Variants in GALNT13 observed in about 807,000 individuals in gnomAD.
GALNT13 encodes UDP-GalNAc:polypeptide N-acetylgalactosaminyltransferase 13.
Under a neutral mutation model 64.2 loss-of-function variants are expected in GALNT13, and 28 were observed. The observed-to-expected ratio is 0.44, with a 90% CI of 0.32 to 0.60. The LOEUF (loss-of-function observed/expected upper bound fraction) is 0.60. GALNT13 is among the 20% of genes least tolerant of loss of function. The pLI is 0.05. For missense variants in GALNT13, 577 were observed against 669.8 expected, an observed-to-expected ratio of 0.86 and a Z score of 1.53; for synonymous variants, 214 against 224.6, an observed-to-expected ratio of 0.95 and a Z score of 0.42.
At chr2:153,142,057 G>C in the GALNT13 span, among the ~76,000 whole-genome samples, 1 of 152,056 alleles carries the variant, frequency 6.6e-6, no homozygotes. Context: ...TTTTTGCTAT[G>C]ATGGGAAAAA....
At chr2:153,927,655 G>T (rs184513425) in intron 2 of GALNT13, among the ~76,000 whole-genome samples, 2 of 152,004 alleles carry the variant, frequency 1.3e-5, no homozygotes, top group South Asian at 2.1e-4. Context: ...TAATTGGAGA[G>T]TATTCAATAT....
At chr2:153,553,158 G>A in the GALNT13 span, among the ~76,000 whole-genome samples, 1 of 152,288 alleles carries the variant, frequency 6.6e-6, no homozygotes. Flanking sequence ...ACTAAGATAT[G>A]GAGTGGATAT....
chr2:154,113,463 C>G (rs928847399), intron 3 of GALNT13, among the ~76,000 whole-genome samples: 1 of 152,346 alleles, frequency 6.6e-6, no homozygotes, highest in Non-Finnish European at 1.5e-5. Flanking sequence ...CAAATAGACC[C>G]ACTGGGCGTT....
At chr2:153,599,443 T>C in the GALNT13 span, among the ~76,000 whole-genome samples, 4 of 152,056 alleles carry the variant, frequency 2.6e-5, no homozygotes, top group Non-Finnish European at 5.9e-5. Flanking sequence ...TGTATCTTCC[T>C]GAGATCCATG....
chr2:153,443,537 C>G, the GALNT13 span, among the ~76,000 whole-genome samples: 1 of 152,246 alleles, frequency 6.6e-6, no homozygotes, highest in Non-Finnish European at 1.5e-5. Context: ...ATCCATTCAT[C>G]TTTAAGACTT....
chr2:153,737,835 G>A, the GALNT13 span, among the ~76,000 whole-genome samples: 1 of 151,888 alleles, frequency 6.6e-6, no homozygotes, highest in Non-Finnish European at 1.5e-5. Context: ...TCCAATTGCT[G>A]TAAAGTTCCT....
chr2:153,266,580 G>GAC, the GALNT13 span, among the ~76,000 whole-genome samples: 1 of 151,716 alleles, frequency 6.6e-6, no homozygotes, highest in East Asian at 1.9e-4. Flanking sequence ...GCAGGAGAGA[G>GAC]AGAGAGCTCG....
At chr2:153,074,432 A>T in the GALNT13 span, among the ~76,000 whole-genome samples, 1 of 152,186 alleles carries the variant, frequency 6.6e-6, no homozygotes, top group African/African-American at 2.4e-5. Context: ...CAATGGGGAT[A>T]TGTCCTGAGA....
chr2:153,884,574 A>T (rs1158270051), intron 1 of GALNT13, among the ~76,000 whole-genome samples: 4 of 151,576 alleles, frequency 2.6e-5, no homozygotes, highest in Admixed American at 2.6e-4. Context: ...TTTAGTCCTG[A>T]TAAAGCCATT....
At chr2:153,223,209 G>A in the GALNT13 span, among the ~76,000 whole-genome samples, 3 of 152,242 alleles carry the variant, frequency 2.0e-5, no homozygotes, top group Non-Finnish European at 1.5e-5. Flanking sequence ...GGAGAAACAG[G>A]CAGACATATC....
At chr2:153,138,805 G>C in the GALNT13 span, among the ~76,000 whole-genome samples, 1 of 152,080 alleles carries the variant, frequency 6.6e-6, no homozygotes, top group Non-Finnish European at 1.5e-5. Context: ...CTACTGGCAA[G>C]TGGTTCTGCT....
chr2:153,307,972 T>C, the GALNT13 span, among the ~76,000 whole-genome samples: 4 of 152,056 alleles, frequency 2.6e-5, no homozygotes, highest in Non-Finnish European at 4.4e-5. Context: ...TTTACAGATA[T>C]GAACAAGAAA....
chr2:154,216,560 T>G (rs1306302476), intron 4 of GALNT13, among the ~76,000 whole-genome samples: 1 of 152,110 alleles, frequency 6.6e-6, no homozygotes, highest in African/African-American at 2.4e-5. Flanking sequence ...GCTTCAGATA[T>G]TGCCCATCTT....
the GALNT13 span, among the ~76,000 whole-genome samples, chr2:153,670,340 T>C: frequency 6.6e-6 from 1 of 152,108 alleles, no homozygotes; most frequent in Non-Finnish European, 1.5e-5. Context: ...GGACGAAGAT[T>C]CCAGAGGAAG....
the GALNT13 span, among the ~76,000 whole-genome samples, chr2:153,408,908 A>G: frequency 6.6e-6 from 1 of 152,078 alleles, no homozygotes; most frequent in Non-Finnish European, 1.5e-5. Flanking sequence ...ATCTGGGTGG[A>G]CACCATCCCC....
chr2:154,228,494 G>A (rs994541168), intron 4 of GALNT13, among the ~76,000 whole-genome samples: 1 of 152,074 alleles, frequency 6.6e-6, no homozygotes, highest in African/African-American at 2.4e-5. Context: ...TTCTGAAATC[G>A]TCCCCTGGAT....
chr2:153,254,912 G>T, the GALNT13 span, among the ~76,000 whole-genome samples: 1 of 152,084 alleles, frequency 6.6e-6, no homozygotes, highest in African/African-American at 2.4e-5. Flanking sequence ...TTTGGAATAG[G>T]TGTGGTGTGG....
At chr2:153,799,985 G>A in the GALNT13 span, among the ~76,000 whole-genome samples, 2 of 150,512 alleles carry the variant, frequency 1.3e-5, no homozygotes, top group South Asian at 4.2e-4. Flanking sequence ...GACTGGCATG[G>A]TCATCAGCTA....
At chr2:154,205,596 G>A (rs1411082069) in intron 4 of GALNT13, among the ~76,000 whole-genome samples, 1 of 152,154 alleles carries the variant, frequency 6.6e-6, no homozygotes, top group Non-Finnish European at 1.5e-5. Flanking sequence ...AAAAGAAAGA[G>A]GTTTGTTGGA....
Sources: allele counts gnomAD v4.1 joint callset (sites outside exome capture counted in the v4.1 genomes callset), GRCh38; gene constraint gnomAD v4.1.1; transcripts MANE v1.5; gene names NCBI Gene and HGNC (gene_info 2026-07-23, HGNC 2026-07-21).